PMM2: variants seen among roughly 807,000 people sequenced by gnomAD.
PMM2 encodes the protein phosphomannomutase 2, also known as mannose-6-phosphate isomerase.
Under a neutral mutation model 33.2 loss-of-function variants are expected in PMM2, and 35 were observed. The observed-to-expected ratio is 1.06, with a 90% confidence interval of 0.81 to 1.40. The LOEUF is 1.40. Ranked by LOEUF, PMM2 falls within the 40% of genes most tolerant of loss-of-function variation. The probability of loss-of-function intolerance (pLI) is 0.00; values close to 1 mark genes in which losing one functional copy is unlikely to be tolerated. For synonymous variants in PMM2, 153 were observed against 114.7 expected (o/e 1.33, Z -2.13); for missense variants, 386 against 306.0 (o/e 1.26, Z -1.95).
At chr16:8,827,752 A>ATT (rs2060779490) in intron 7 of PMM2, among the ~76,000 whole-genome samples, 1 of 80,298 alleles carries the variant, frequency 1.2e-5, no homozygotes, top group Non-Finnish European at 2.5e-5. Flanking sequence ...ATATATATAT[A>ATT]TATATATATG....
At chr16:8,814,348 TGTTG>T (rs2060694421) in intron 7 of PMM2, among the ~76,000 whole-genome samples, 1 of 151,770 alleles carries the variant, frequency 6.6e-6, no homozygotes. Context: ...AGGCTGGGGG[TGTTG>T]GTTACCTTGC....
intron 7 of PMM2, among the ~76,000 whole-genome samples, chr16:8,816,013 A>G (rs750205901): frequency 2.0e-5 from 3 of 152,242 alleles, no homozygotes; most frequent in Non-Finnish European, 4.4e-5. Context: ...CAGTTCTCCA[A>G]AGAAGACATG....
intron 7 of PMM2, among the ~76,000 whole-genome samples, chr16:8,815,707 T>TGAAACTGTA (rs2060704292): frequency 6.6e-6 from 1 of 152,100 alleles, no homozygotes; most frequent in Admixed American, 6.5e-5. Context: ...ACACAGGACC[T>TGAAACTGTA]GAAACTGTAA....
chr16:8,830,125 C>T (rs1377573541), intron 7 of PMM2, among the ~76,000 whole-genome samples: 1 of 152,160 alleles, frequency 6.6e-6, no homozygotes, highest in Non-Finnish European at 1.5e-5. Flanking sequence ...TTGGCAGCAC[C>T]CCATTAGTAG....
intron 7 of PMM2, among the ~76,000 whole-genome samples, chr16:8,833,773 T>C (rs376994826): frequency 1.2e-4 from 19 of 152,114 alleles, no homozygotes; most frequent in African/African-American, 3.4e-4. Context: ...GAAAAACAGG[T>C]ATAAAAGGTC....
At chr16:8,837,042 A>G (rs763812580) in intron 7 of PMM2, among the ~76,000 whole-genome samples, 6 of 151,974 alleles carry the variant, frequency 3.9e-5, no homozygotes, top group Non-Finnish European at 7.4e-5. Flanking sequence ...GAAGAATTGG[A>G]ACCTAGCTCA....
intron 7 of PMM2, chr16:8,832,103 G>A (rs905229203): frequency 2.0e-6 from 2 of 980,342 alleles, no homozygotes; most frequent in East Asian, 1.1e-4. Context: ...TTTGGGGTCC[G>A]CTTCACTTGC....
rs1440055650 is a variant in PMM2, at chr16:8,848,102, G to A, written c.*277G>A. ...CCTAGTCTAATACCCACCCTGATAC[G>A]TGCAATCATGTAGTTTTGGCGGAAA... On this transcript the variant is annotated 3_prime_UTR_variant, in exon 8 of 8. Transcript: ENST00000268261. The A allele has an allele frequency of 1.4e-5, 6 of 431,736 alleles. No individual in the cohort carries two copies. Among genetic ancestry groups the A allele is most frequent in the East Asian group, 4.6e-5 (1 of 21,818 alleles). The allele number at this position is 431,736 out of a possible 1,614,324, so 26.7% of individuals were successfully genotyped here.
At chr16:8,807,300 C>A (rs1596487016) in intron 4 of PMM2, among the ~76,000 whole-genome samples, 2 of 152,080 alleles carry the variant, frequency 1.3e-5, no homozygotes, top group African/African-American at 4.8e-5. Flanking sequence ...AGCCACCTTG[C>A]CCAGCCTGAT....
At chr16:8,840,803 G>T (rs146107724) in intron 7 of PMM2, among the ~76,000 whole-genome samples, 1,789 of 152,068 alleles carry the variant, frequency 0.012, 33 homozygotes, top group African/African-American at 0.039. Context: ...CATCGAGGTT[G>T]TAGAGTTTGA....
At chr16:8,828,286 C>T (rs1193844522) in intron 7 of PMM2, among the ~76,000 whole-genome samples, 2 of 151,860 alleles carry the variant, frequency 1.3e-5, no homozygotes, top group African/African-American at 2.4e-5. Flanking sequence ...AAATTTAAGG[C>T]AGATTTCAAG....
chr16:8,803,514 C>G (rs2060627444), intron 2 of PMM2, among the ~76,000 whole-genome samples: 1 of 152,186 alleles, frequency 6.6e-6, no homozygotes, highest in Admixed American at 6.5e-5. Context: ...GTATCAGAAT[C>G]ACCTGGGAAG....
chr16:8,837,137 G>C (rs924993513), intron 7 of PMM2, among the ~76,000 whole-genome samples: 1 of 151,888 alleles, frequency 6.6e-6, no homozygotes, highest in African/African-American at 2.4e-5. Context: ...CGACTGAGGG[G>C]ACAGGTGGGA....
At chr16:8,825,652 A>G (rs1470576270) in intron 7 of PMM2, among the ~76,000 whole-genome samples, 1 of 152,160 alleles carries the variant, frequency 6.6e-6, no homozygotes, top group African/African-American at 2.4e-5. Flanking sequence ...TTACAAACAA[A>G]TGTATCCGAT....
At chr16:8,826,214 A>G (rs1304358274) in intron 7 of PMM2, among the ~76,000 whole-genome samples, 4 of 152,184 alleles carry the variant, frequency 2.6e-5, no homozygotes, top group Admixed American at 6.5e-5. Context: ...CAAACCTACA[A>G]TTTGCTTAAA....
intron 7 of PMM2, among the ~76,000 whole-genome samples, chr16:8,845,760 T>C (rs951703457): frequency 7.9e-5 from 12 of 151,620 alleles, no homozygotes; most frequent in Admixed American, 7.2e-4. Flanking sequence ...AGGTTCTCTG[T>C]GACTTTTACC....
At chr16:8,847,400 G>C (rs2060933883) in intron 7 of PMM2, among the ~76,000 whole-genome samples, 1 of 147,776 alleles carries the variant, frequency 6.8e-6, no homozygotes, top group Admixed American at 6.7e-5. Context: ...AAAACTGATG[G>C]CTGTGAGAAT....
rs1282410758 is a variant in PMM2, at chr16:8,812,913, T to TA, written c.524-75dup. 8 of 852,376 alleles carry TA rather than the reference T, an allele frequency of 9.4e-6. No individual in the cohort carries two copies. In the African/African-American group the frequency reaches 1.2e-4, roughly 12 times the overall value. The allele number at this position is 852,376 out of a possible 1,614,324, so 52.8% of individuals were successfully genotyped here. On this transcript the variant is annotated intron_variant, in intron 6 of 7. Coordinates refer to ENST00000268261, the MANE Select transcript of PMM2 (RefSeq NM_000303.3). Reference sequence around the variant, plus strand: ...GGCAACCCACTAACTGACAAAAGAGTAAATTGTTTTTTTCAGTGACATATC... The same window carrying TA: ...GGCAACCCACTAACTGACAAAAGAGTAAAATTGTTTTTTTCAGTGACATATC...
intron 7 of PMM2, among the ~76,000 whole-genome samples, chr16:8,845,078 C>A (rs1054331203): frequency 6.6e-6 from 1 of 152,194 alleles, no homozygotes; most frequent in Non-Finnish European, 1.5e-5. Flanking sequence ...GTGTGAGCAA[C>A]ATGGCTGTTT....
Sources: allele counts gnomAD v4.1 joint callset (sites outside exome capture counted in the v4.1 genomes callset), GRCh38; gene constraint gnomAD v4.1.1; transcripts MANE v1.5; gene names NCBI Gene and HGNC (gene_info 2026-07-23, HGNC 2026-07-21).